The following ADK variants were observed in gnomAD, a reference collection of about 807,000 sequenced individuals.
ADK encodes the protein adenosine kinase.
A neutral mutation model predicts 44.7 loss-of-function variants in ADK; 24 were observed. That is an observed-to-expected ratio of 0.54 (90% confidence interval 0.39 to 0.76). The LOEUF (loss-of-function observed/expected upper bound fraction) is 0.76, where lower values mean the gene tolerates loss of function less well. Ranked by LOEUF, ADK falls within the 30% of genes least tolerant of loss-of-function variation. ADK has a pLI of 0.00. For missense variants in ADK, 321 were observed against 425.1 expected, an observed-to-expected ratio of 0.76 and a Z score of 2.15; for synonymous variants, 128 against 142.6, an observed-to-expected ratio of 0.90 and a Z score of 0.73.
intron 9 of ADK, among the ~76,000 whole-genome samples, chr10:74,614,673 T>C (rs1485393706): frequency 1.1e-4 from 17 of 151,654 alleles, no homozygotes; most frequent in Non-Finnish European, 1.5e-5. Context: ...CTCCATCCAT[T>C]TTTGTGCACT....
intron 3 of ADK, among the ~76,000 whole-genome samples, chr10:74,303,588 G>GTTGTTTTTTTTTTTTTTTTTT (rs1840139803): frequency 2.9e-5 from 2 of 68,576 alleles, no homozygotes; most frequent in African/African-American, 1.6e-4. Context: ...TTTTAATGTT[G>GTTGTTTTTTTTTTTTTTTTTT]TTTTTTTTTT....
intron 4 of ADK, among the ~76,000 whole-genome samples, chr10:74,334,991 T>C (rs796628923): frequency 2.0e-5 from 3 of 152,338 alleles, no homozygotes; most frequent in African/African-American, 7.2e-5. Context: ...CAACTCTTTC[T>C]CTACTATGAC....
intron 7 of ADK, chr10:74,527,912 T>G: frequency 3.8e-6 from 3 of 798,942 alleles, no homozygotes; most frequent in Non-Finnish European, 6.7e-6. Context: ...GTGAAAGCTG[T>G]CATCTATAGG....
At chr10:74,617,856 T>C (rs1006041154) in intron 9 of ADK, among the ~76,000 whole-genome samples, 1 of 152,224 alleles carries the variant, frequency 6.6e-6, no homozygotes, top group African/African-American at 2.4e-5. Flanking sequence ...GCTCCCATAG[T>C]GCGGGGATTA....
intron 3 of ADK, among the ~76,000 whole-genome samples, chr10:74,254,002 A>G (rs915643293): frequency 6.6e-6 from 1 of 151,928 alleles, no homozygotes; most frequent in East Asian, 1.9e-4. Context: ...GCTGACCTCA[A>G]GTGATCCGCC....
intron 3 of ADK, among the ~76,000 whole-genome samples, chr10:74,229,673 G>C (rs190409214): frequency 1.3e-5 from 2 of 152,000 alleles, no homozygotes; most frequent in African/African-American, 4.8e-5. Context: ...CTGGGATTAC[G>C]GGCGTGAGCC....
chr10:74,681,802 A>T (rs1855612625), intron 10 of ADK, among the ~76,000 whole-genome samples: 1 of 150,456 alleles, frequency 6.6e-6, no homozygotes, highest in Non-Finnish European at 1.5e-5. Context: ...GTAACCCAAG[A>T]TCACGCCACT....
At chr10:74,468,775 C>A in intron 6 of ADK, among the ~76,000 whole-genome samples, 1 of 151,906 alleles carries the variant, frequency 6.6e-6, no homozygotes, top group Non-Finnish European at 1.5e-5. Context: ...ATTATGAATC[C>A]CTGTGTATTC....
chr10:74,672,393 T>G (rs776524022), intron 10 of ADK, among the ~76,000 whole-genome samples: 9 of 152,228 alleles, frequency 5.9e-5, no homozygotes, highest in Non-Finnish European at 1.0e-4. Context: ...GACTATAGTT[T>G]GCCAAACCCT....
intron 7 of ADK, among the ~76,000 whole-genome samples, chr10:74,554,234 A>G (rs972299711): frequency 6.6e-6 from 1 of 152,094 alleles, no homozygotes; most frequent in African/African-American, 2.4e-5. Flanking sequence ...AATATTTCAT[A>G]TATCAAAGAA....
At chr10:74,159,834 C>T (rs542536402) in intron 1 of ADK, among the ~76,000 whole-genome samples, 15 of 152,262 alleles carry the variant, frequency 9.9e-5, no homozygotes, top group African/African-American at 2.2e-4. Flanking sequence ...CTCAGGTGAT[C>T]CACCTGCCTT....
intron 6 of ADK, among the ~76,000 whole-genome samples, chr10:74,500,401 G>GT (rs996247124): frequency 2.6e-5 from 4 of 152,082 alleles, no homozygotes; most frequent in African/African-American, 9.7e-5. Flanking sequence ...ATATTTCAGT[G>GT]TTTTTTTAGT....
At chr10:74,515,575 A>G (rs1200032466) in intron 6 of ADK, among the ~76,000 whole-genome samples, 1 of 152,054 alleles carries the variant, frequency 6.6e-6, no homozygotes, top group Non-Finnish European at 1.5e-5. Context: ...CTGCGGGACT[A>G]TCTCTCAGGC....
intron 6 of ADK, among the ~76,000 whole-genome samples, chr10:74,403,412 G>A (rs1489957899): frequency 5.9e-5 from 9 of 152,088 alleles, no homozygotes; most frequent in African/African-American, 1.7e-4. Context: ...CTTCCTGGCC[G>A]CTTTGTTTAC....
intron 4 of ADK, among the ~76,000 whole-genome samples, chr10:74,347,544 G>C (rs1477652273): frequency 6.6e-6 from 1 of 152,044 alleles, no homozygotes; most frequent in Non-Finnish European, 1.5e-5. Flanking sequence ...TACCCCAGTG[G>C]CACCCGGAAC....
At chr10:74,477,494 C>T in intron 6 of ADK, among the ~76,000 whole-genome samples, 1 of 152,200 alleles carries the variant, frequency 6.6e-6, no homozygotes, top group Non-Finnish European at 1.5e-5. Flanking sequence ...AGTAGTGCAC[C>T]ACTGCACCTA....
intron 3 of ADK, among the ~76,000 whole-genome samples, chr10:74,289,833 C>A (rs1478447004): frequency 3.1e-3 from 420 of 135,622 alleles, no homozygotes; most frequent in Admixed American, 3.6e-3. Context: ...TTTAGTGGGC[C>A]AAAAAAAAAA....
intron 4 of ADK, among the ~76,000 whole-genome samples, chr10:74,336,266 A>C (rs73286291): frequency 0.027 from 4,071 of 152,206 alleles, 164 homozygotes; most frequent in African/African-American, 0.081. Flanking sequence ...TATCCAATTG[A>C]TCCATTACTC....
intron 3 of ADK, among the ~76,000 whole-genome samples, chr10:74,289,759 T>C (rs1847333679): frequency 6.6e-6 from 1 of 152,044 alleles, no homozygotes; most frequent in Non-Finnish European, 1.5e-5. Flanking sequence ...ATCGTGTGCT[T>C]TTCTGAAGAG....
Sources: gnomAD v4.1 joint callset for allele counts (sites outside exome capture counted in the v4.1 genomes callset) on GRCh38, gnomAD v4.1.1 for gene constraint, MANE v1.5 for transcripts, NCBI Gene and HGNC (gene_info 2026-07-23, HGNC 2026-07-21) for gene names.